Variants in RSRC1 observed in about 807,000 individuals in gnomAD.
RSRC1 encodes serine/Arginine-related protein 53.
A neutral mutation model predicts 49.1 loss-of-function variants in RSRC1; 39 were observed. The ratio of observed to expected loss-of-function variants is 0.79; its 90% CI spans 0.61 to 1.04. The LOEUF (loss-of-function observed/expected upper bound fraction) is 1.04, where lower values mean the gene tolerates loss of function less well. RSRC1 is among the 50% of genes least tolerant of loss of function. The pLI, the probability that RSRC1 is intolerant of heterozygous loss-of-function variation, is 0.00. For synonymous variants in RSRC1, 143 were observed against 130.8 expected, an observed-to-expected ratio of 1.09 and a Z score of -0.63; for missense variants, 388 against 402.4, an observed-to-expected ratio of 0.96 and a Z score of 0.31.
chr3:158,491,961 C>T (rs1259260243), intron 7 of RSRC1, among the ~76,000 whole-genome samples: 1 of 151,986 alleles, frequency 6.6e-6, no homozygotes, highest in Non-Finnish European at 1.5e-5. Flanking sequence ...CATTTTCACA[C>T]TGCTATAAAG....
At chr3:158,457,811 G>T (rs764496158) in intron 6 of RSRC1, among the ~76,000 whole-genome samples, 4 of 149,978 alleles carry the variant, frequency 2.7e-5, no homozygotes, top group African/African-American at 9.8e-5. Flanking sequence ...GGCTCTTACA[G>T]ACTTTGGGAG....
intron 6 of RSRC1, among the ~76,000 whole-genome samples, chr3:158,355,766 A>T (rs1245081784): frequency 1.3e-5 from 2 of 150,828 alleles, no homozygotes; most frequent in African/African-American, 5.0e-5. Flanking sequence ...AGTTTTAATG[A>T]GTAGTACAAT....
At chr3:158,199,626 C>G (rs937490142) in intron 3 of RSRC1, among the ~76,000 whole-genome samples, 1 of 152,040 alleles carries the variant, frequency 6.6e-6, no homozygotes, top group East Asian at 1.9e-4. Flanking sequence ...GATATTTCTT[C>G]TTTTCTAGTA....
intron 6 of RSRC1, among the ~76,000 whole-genome samples, chr3:158,386,724 T>G (rs1343182498): frequency 1.3e-5 from 2 of 151,948 alleles, no homozygotes; most frequent in African/African-American, 2.4e-5. Flanking sequence ...GGGTTTATAG[T>G]CTTTGTTGTT....
chr3:158,244,000 A>G (rs528539353), intron 4 of RSRC1, among the ~76,000 whole-genome samples: 1 of 143,402 alleles, frequency 7.0e-6, no homozygotes, highest in East Asian at 2.1e-4. Flanking sequence ...GCAAGCAAAG[A>G]TAGTTTGAGT....
At chr3:158,371,745 T>C (rs1380822335) in intron 6 of RSRC1, among the ~76,000 whole-genome samples, 1 of 151,970 alleles carries the variant, frequency 6.6e-6, no homozygotes, top group Non-Finnish European at 1.5e-5. Context: ...ATTGCTGGCA[T>C]AATAACTTTG....
chr3:158,198,386 T>C (rs1478194151), intron 3 of RSRC1, among the ~76,000 whole-genome samples: 1 of 152,210 alleles, frequency 6.6e-6, no homozygotes, highest in African/African-American at 2.4e-5. Context: ...TATGTGTATC[T>C]CTGCATGTGA....
chr3:158,356,032 T>A (rs1447677344), intron 6 of RSRC1, among the ~76,000 whole-genome samples: 1 of 151,922 alleles, frequency 6.6e-6, no homozygotes, highest in East Asian at 1.9e-4. Flanking sequence ...TAATATACTT[T>A]AATAAATATA....
At chr3:158,239,155 A>C (rs1373989708) in intron 4 of RSRC1, among the ~76,000 whole-genome samples, 4 of 152,232 alleles carry the variant, frequency 2.6e-5, no homozygotes, top group Admixed American at 6.5e-5. Context: ...TCAAAACCGC[A>C]ATGAGATACC....
chr3:158,265,577 GC>G (rs1725124917), intron 4 of RSRC1, among the ~76,000 whole-genome samples: 1 of 151,902 alleles, frequency 6.6e-6, no homozygotes, highest in Non-Finnish European at 1.5e-5. Flanking sequence ...GTTACAGTGA[GC>G]TGAGATCATG....
At chr3:158,255,343 T>G (rs187448888) in intron 4 of RSRC1, among the ~76,000 whole-genome samples, 77 of 152,364 alleles carry the variant, frequency 5.1e-4, no homozygotes, top group Non-Finnish European at 9.4e-4. Context: ...ATTGCTTGTT[T>G]TTCTCAGGTT....
At chr3:158,418,537 A>G (rs1443272312) in intron 6 of RSRC1, among the ~76,000 whole-genome samples, 1 of 151,970 alleles carries the variant, frequency 6.6e-6, no homozygotes, top group African/African-American at 2.4e-5. Flanking sequence ...TAGAGATCAC[A>G]TAACAGATAA....
At chr3:158,295,303 G>C (rs1203119449) in intron 4 of RSRC1, among the ~76,000 whole-genome samples, 2 of 152,114 alleles carry the variant, frequency 1.3e-5, no homozygotes, top group African/African-American at 4.8e-5. Context: ...AACCAGGTTA[G>C]TAGTTTGTTG....
chr3:158,539,904 C>A lies in RSRC1; in HGVS notation c.759+2706C>A, dbSNP rs1712938733. On this transcript the variant is annotated intron_variant, in intron 8 of 9. Coordinates refer to ENST00000611884, the MANE Select transcript of RSRC1 (RefSeq NM_001271838.2). This position sits in a 1 kb window ranked among gnomAD's most constrained non-coding sequence, Gnocchi z 4.1. The stretch of plus-strand genomic sequence containing the variant: ...CTTGGTTTATATGGTAGAATCTTAT[C>A]TCTGCTACCTGAAGAGGTGGTATCC... Among the ~76,000 whole-genome samples the A allele has an allele frequency of 6.6e-6, 1 of 152,142 alleles. No individual in the cohort carries two copies. The highest frequency in any genetic ancestry group is 2.1e-4 in the South Asian group (1 of 4,836).
In RSRC1 at chr3:158,274,158, AAC is replaced by A. The variant is rs146628668; in HGVS notation, c.495-23879_495-23878del. 3.5e-3 allele frequency among the ~76,000 whole-genome samples: 534 copies of A among 152,240 alleles called. 2 individuals are homozygous for A. Among genetic ancestry groups the A allele is most frequent in the African/African-American group, 0.012 (497 of 41,562 alleles). On this transcript the variant is annotated intron_variant, in intron 4 of 9. Coordinates refer to ENST00000611884, the MANE Select transcript of RSRC1 (RefSeq NM_001271838.2). ...GTATCCATATAATGAATGAGATTTA[AAC>A]AGTGTTTTTAATGTTTAGAAATATG... is the stretch of plus-strand genomic sequence containing the variant.
chr3:158,354,873 C>A lies in RSRC1; in HGVS notation c.548C>A (p.Ala183Asp). ...GLEHLPPAEQAKARLQLVLEA... is the reference protein window; with the variant it reads ...GLEHLPPAEQDKARLQLVLEA... ...CTTTTTTAGCCACCAGCTGAACAGG[C>A]CAAAGCCAGACTACAGCTGGTTCTT... Residue 183 changes from alanine to aspartate, a missense_variant, in exon 6 of 10, where the codon GCC becomes GAC. Ala to Asp is a moderately radical substitution (Grantham distance 126). Coordinates refer to ENST00000611884, the MANE Select transcript of RSRC1 (RefSeq NM_001271838.2). 6.4e-7 allele frequency: 1 copy of A among 1,552,786 alleles called. No individual in the cohort carries two copies. The highest frequency in any genetic ancestry group is 8.7e-7 in the Non-Finnish European group (1 of 1,152,426).
At chr3:158,117,515 TC>T (rs11347639) in intron 1 of RSRC1, among the ~76,000 whole-genome samples, 110,552 of 152,032 alleles carry the variant, frequency 0.73, 41,246 homozygotes, top group African/African-American at 0.89. Context: ...GGTCTCAAAC[TC>T]CCTGGGTTCA....
At chr3:158,305,365 C>G (rs942947966) in intron 5 of RSRC1, among the ~76,000 whole-genome samples, 1 of 152,016 alleles carries the variant, frequency 6.6e-6, no homozygotes, top group African/African-American at 2.4e-5. Flanking sequence ...GTTATTAAAG[C>G]TTTTTAAAGT....
intron 4 of RSRC1, among the ~76,000 whole-genome samples, chr3:158,254,273 A>G (rs1724403842): frequency 6.6e-6 from 1 of 152,222 alleles, no homozygotes; most frequent in African/African-American, 2.4e-5. Flanking sequence ...TCCTTTGGGT[A>G]TATACCCAGT....
Sources: gnomAD v4.1 joint callset for allele counts (sites outside exome capture counted in the v4.1 genomes callset) on GRCh38, gnomAD v4.1.1 for gene constraint, Gnocchi (gnomAD v3.1) non-coding constraint, MANE v1.5 for transcripts, NCBI Gene and HGNC (gene_info 2026-07-23, HGNC 2026-07-21) for gene names.